RTKN: variants seen among roughly 807,000 people sequenced by gnomAD.
RTKN encodes the protein rhotekin.
Under a neutral mutation model 63.5 loss-of-function variants are expected in RTKN, and 49 were observed. The ratio of observed to expected loss-of-function variants is 0.77; its 90% confidence interval spans 0.61 to 0.98. The LOEUF is 0.98. RTKN is among the 50% of genes least tolerant of loss of function. The pLI, the probability that RTKN is intolerant of heterozygous loss-of-function variation, is 0.00. For synonymous variants in RTKN, 295 were observed against 290.4 expected, an observed-to-expected ratio of 1.02 and a Z score of -0.16; for missense variants, 685 against 740.8, an observed-to-expected ratio of 0.92 and a Z score of 0.87.
At chr2:74,427,294 AAAAG>A (rs1209315446) in intron 10 of RTKN, 21 bp from the exon 11 acceptor site, 2 of 1,612,206 alleles carry the variant, frequency 1.2e-6, no homozygotes, top group South Asian at 1.1e-5. Context: ...AGCGCTGATT[AAAAG>A]AGAGAGCCAG....
In RTKN at chr2:74,432,443, A is replaced by G. The variant is rs540946412; in HGVS notation, c.311+24T>C. The G allele has an allele frequency of 3.7e-6, 6 of 1,602,442 alleles. No individual in the cohort carries two copies. The African/African-American group carries it at 8.0e-5, about 21-fold the overall frequency. ...CCCAGAAGGCCTCCTGCCTCCATCG[A>G]GGCCTCGTCTCCCCCTTGCTCACCG... is the stretch of plus-strand genomic sequence containing the variant. On this transcript the variant is annotated intron_variant, in intron 2 of 11. Transcript: ENST00000272430.
At chr2:74,427,016 A>T in intron 11 of RTKN, 153 bp downstream of exon 11, 7 of 984,006 alleles carry the variant, frequency 7.1e-6, no homozygotes, top group Non-Finnish European at 8.4e-6. Context: ...TGGAGAGGAG[A>T]AAAGAACACA....
chr2:74,441,862 G>T lies in RTKN; in HGVS notation c.-46C>A, dbSNP rs924743655. 4 of 1,163,450 alleles carry T rather than the reference G, an allele frequency of 3.4e-6. No individual in the cohort carries two copies. In the African/African-American group the frequency reaches 4.5e-5, roughly 13 times the overall value. The allele number at this position is 1,163,450 out of a possible 1,614,324, so 72.1% of individuals were successfully genotyped here. Reference sequence around the variant, plus strand: ...GCCTGCTCAGTGCGCTCCCCGCGCCGCCCGGCTTAGCCTCCTCTCCTCGGC... The same window carrying T: ...GCCTGCTCAGTGCGCTCCCCGCGCCTCCCGGCTTAGCCTCCTCTCCTCGGC... On this transcript the variant is annotated 5_prime_UTR_variant, in exon 1 of 12. Transcript: ENST00000272430.
At chr2:74,430,193 G>C (rs151287513) in intron 5 of RTKN, 59 bp downstream of exon 5, 4 of 1,552,648 alleles carry the variant, frequency 2.6e-6, no homozygotes, top group Non-Finnish European at 3.6e-6. Flanking sequence ...CCTGGAACTC[G>C]CTCATCCAGA....
chr2:74,426,577 G>A lies in RTKN; in HGVS notation c.1361-3C>T. On this transcript the variant is annotated splice_polypyrimidine_tract_variant and splice_region_variant and intron_variant, in intron 11 of 11. Coordinates refer to ENST00000272430, the MANE Select transcript of RTKN (RefSeq NM_001015055.2). ...GATGTCATCCAGCGGCTCAATAGCT[G>A]TGGCACCAGGAAGGGGTTGGGGGAG... 1 of 1,524,330 alleles carries A rather than the reference G, an allele frequency of 6.6e-7. No homozygotes were observed. Among genetic ancestry groups the A allele is most frequent in the Non-Finnish European group, 8.8e-7 (1 of 1,134,214 alleles). 94.4% of individuals were successfully genotyped at this position (1,524,330 alleles called of 1,614,324 possible).
Position 74,426,682 on chromosome 2 carries a change from G to A in RTKN, c.1361-108C>T. 2.8e-6 allele frequency: 4 copies of A among 1,434,434 alleles called. No individual in the cohort carries two copies. The South Asian group carries it at 6.3e-5, about 23-fold the overall frequency. 88.9% of individuals were successfully genotyped at this position (1,434,434 alleles called of 1,614,324 possible). ...CTGTAATAGGAGGAAAGCAAAGCCT[G>A]GATCTCAGTGGAGATTGCGTTATCC... On this transcript the variant is annotated intron_variant, in intron 11 of 11. Coordinates refer to ENST00000272430, the MANE Select transcript of RTKN (RefSeq NM_001015055.2).
rs990991918 is a variant in RTKN at position 74,432,733 on chromosome 2, G to T, written c.112-67C>A. 2.8e-6 allele frequency: 4 copies of T among 1,418,996 alleles called. No individual in the cohort carries two copies. The African/African-American group carries it at 4.3e-5, about 15-fold the overall frequency. The allele number at this position is 1,418,996 out of a possible 1,614,324, so 87.9% of individuals were successfully genotyped here. ...AGTGGACAGGCTAAAGCACTCCCCA[G>T]TCCCCAGGTGGGCTGTGGCCAGTAA... On this transcript the variant is annotated intron_variant, in intron 1 of 11. Coordinates refer to ENST00000272430, the MANE Select transcript of RTKN (RefSeq NM_001015055.2).
At chr2:74,434,410 G>T (rs1489421965) in intron 1 of RTKN, among the ~76,000 whole-genome samples, 7 of 151,874 alleles carry the variant, frequency 4.6e-5, no homozygotes, top group Non-Finnish European at 8.8e-5. Context: ...CTCCGGAGTA[G>T]CTGGGATTAC....
chr2:74,431,366 C>G (rs1336061725), intron 2 of RTKN, among the ~76,000 whole-genome samples: 1 of 152,144 alleles, frequency 6.6e-6, no homozygotes, highest in Admixed American at 6.5e-5. Context: ...CCCTCCCTGC[C>G]CATCATCAGG....
chr2:74,435,980 G>C (rs533226028), intron 1 of RTKN, among the ~76,000 whole-genome samples: 15 of 152,228 alleles, frequency 9.9e-5, no homozygotes, highest in African/African-American at 3.6e-4. Context: ...CTTTCCCAAA[G>C]CCCCTCACCA....
chr2:74,436,650 G>C lies in RTKN; in HGVS notation c.112-3984C>G, dbSNP rs905836282. Among the ~76,000 whole-genome samples the C allele has an allele frequency of 6.6e-6, 1 of 152,134 alleles. No homozygotes were observed. The highest frequency in any genetic ancestry group is 2.4e-5 in the African/African-American group (1 of 41,416). ...TAAATTGGGAGAGCTGGGGCCCTAG[G>C]GAGGTCACTGGGCCCAGCATGGATG... On this transcript the variant is annotated intron_variant, in intron 1 of 11. Coordinates refer to ENST00000272430, the MANE Select transcript of RTKN (RefSeq NM_001015055.2). The surrounding 1 kb of genome is among the most constrained non-coding windows in gnomAD (Gnocchi z 4.3).
Position 74,432,645 on chromosome 2 carries a change from G to A in RTKN, c.133C>T (p.Leu45=), listed in dbSNP as rs151051170. 1,906 of 1,614,106 alleles carry A rather than the reference G, an allele frequency of 1.2e-3. 2 individuals are homozygous for A. The highest frequency in any genetic ancestry group is 1.5e-3 in the Admixed American group (88 of 60,016). The change falls in exon 2 of 12, where the codon CTA becomes TTA. Residue 45 remains leucine, a synonymous_variant. Coordinates refer to ENST00000272430, the MANE Select transcript of RTKN (RefSeq NM_001015055.2). ...LPEDTELQRK[L]DHEIRMREGA... is the part of the protein sequence containing the mutation. ...TCCCTCATCCGGATCTCATGGTCTAGCTTCCTCTGCAACTCCGTGTCCTAG... is the reference window on the plus strand; with the variant it reads ...TCCCTCATCCGGATCTCATGGTCTAACTTCCTCTGCAACTCCGTGTCCTAG...
chr2:74,427,289 T>A lies in RTKN; in HGVS notation c.1256-16A>T. 6.2e-7 allele frequency: 1 copy of A among 1,613,158 alleles called. No homozygotes were observed. The highest frequency in any genetic ancestry group is 1.1e-5 in the South Asian group (1 of 91,024). ...TTCCATTGGCCTGGAAGAAGAGCGC[T>A]GATTAAAAGAGAGAGCCAGGCTGCC... On this transcript the variant is annotated splice_polypyrimidine_tract_variant and intron_variant, in intron 10 of 11. Coordinates refer to ENST00000272430, the MANE Select transcript of RTKN (RefSeq NM_001015055.2).
Position 74,430,538 on chromosome 2 carries a change from G to A in RTKN, c.374-20C>T. On this transcript the variant is annotated intron_variant, in intron 3 of 11. Transcript: ENST00000272430. Reference sequence around the variant, plus strand: ...GGAGGTCTAAGGGGCAGAGGGGTAAGAATAGATGTTGAGATGGGGCAGGAG... The same window carrying A: ...GGAGGTCTAAGGGGCAGAGGGGTAAAAATAGATGTTGAGATGGGGCAGGAG... The A allele has an allele frequency of 6.2e-7, 1 of 1,614,094 alleles. No individual in the cohort carries two copies. Among genetic ancestry groups the A allele is most frequent in the Non-Finnish European group, 8.5e-7 (1 of 1,179,908 alleles).
At position 74,441,856 on chromosome 2, in the gene RTKN, C is replaced by A; in HGVS notation, c.-40G>T. ...GACTTTGCCTGCTCAGTGCGCTCCCCGCGCCGCCCGGCTTAGCCTCCTCTC... is the reference window on the plus strand; with the variant it reads ...GACTTTGCCTGCTCAGTGCGCTCCCAGCGCCGCCCGGCTTAGCCTCCTCTC... On this transcript the variant is annotated 5_prime_UTR_variant, in exon 1 of 12. Coordinates refer to ENST00000272430, the MANE Select transcript of RTKN (RefSeq NM_001015055.2). 3.0e-6 allele frequency: 4 copies of A among 1,333,536 alleles called. No individual in the cohort carries two copies. The highest frequency in any genetic ancestry group is 4.2e-6 in the Non-Finnish European group (4 of 943,544). 82.6% of individuals were successfully genotyped at this position (1,333,536 alleles called of 1,614,324 possible). A position where few individuals can be genotyped will look rare whatever the true frequency, so the allele number is the denominator to read the frequency against.
intron 6 of RTKN, among the ~76,000 whole-genome samples, chr2:74,429,175 C>A (rs1472136968): frequency 6.6e-6 from 1 of 152,194 alleles, no homozygotes; most frequent in Non-Finnish European, 1.5e-5. Flanking sequence ...TGGTGGCATT[C>A]TTCAACTAGA....
At chr2:74,429,544 G>A (rs1301093273) in intron 6 of RTKN, among the ~76,000 whole-genome samples, 1 of 152,196 alleles carries the variant, frequency 6.6e-6, no homozygotes, top group Non-Finnish European at 1.5e-5. Flanking sequence ...GGGCAACATA[G>A]TGAGACCCTG....
At position 74,436,165 on chromosome 2, in the gene RTKN, G is replaced by C. The variant is rs980230644; in HGVS notation, c.112-3499C>G. Among the ~76,000 whole-genome samples, 1 of 152,252 alleles carries C rather than the reference G, an allele frequency of 6.6e-6. No homozygotes were observed. The highest frequency in any genetic ancestry group is 1.5e-5 in the Non-Finnish European group (1 of 68,052). On this transcript the variant is annotated intron_variant, in intron 1 of 11. Coordinates refer to ENST00000272430, the MANE Select transcript of RTKN (RefSeq NM_001015055.2). This position sits in a 1 kb window ranked among gnomAD's most constrained non-coding sequence, Gnocchi z 4.3. ...GTGTCCTCAACCCCCATCTTGGCTAGTCTCATCCCAGTCCCAGCACTCACG... is the reference window on the plus strand; with the variant it reads ...GTGTCCTCAACCCCCATCTTGGCTACTCTCATCCCAGTCCCAGCACTCACG...
chr2:74,427,173 C>G lies in RTKN; in HGVS notation c.1356G>C (p.Glu452Asp), dbSNP rs1285318224. 7 of 1,613,570 alleles carry G rather than the reference C, an allele frequency of 4.3e-6. No homozygotes were observed. The highest frequency in any genetic ancestry group is 1.3e-5 in the African/African-American group (1 of 74,908). Residue 452 changes from glutamate (E) to aspartate (D), a missense_variant, in exon 11 of 12, where the codon GAG (glutamate) becomes GAC (aspartate). Glu to Asp is a conservative substitution (Grantham distance 45). Transcript: ENST00000272430. ...GTTCACATTCCTCTCACTTACCCAT[C>G]TCATGGTACAAGGACCCCTGCTTTG... The part of the protein sequence containing the change: ...ALAKQGSLYH[E>D]MAIEPLDDIA...
Sources: allele counts gnomAD v4.1 joint callset (sites outside exome capture counted in the v4.1 genomes callset), GRCh38; gene constraint gnomAD v4.1.1; non-coding constraint Gnocchi (gnomAD v3.1); transcripts MANE v1.5; gene names NCBI Gene and HGNC (gene_info 2026-07-23, HGNC 2026-07-21).